The following TRDN variants were observed in gnomAD, a reference collection of about 807,000 sequenced individuals.
TRDN encodes triadin.
TRDN carries 161 observed loss-of-function variants against 149.7 expected under a neutral mutation model. The ratio of observed to expected loss-of-function variants is 1.08; its 90% CI spans 0.95 to 1.23. The LOEUF is 1.23. Among genes scored for constraint, TRDN ranks in the 50% most tolerant of loss-of-function variants. The pLI is 0.00. For missense variants in TRDN, 896 were observed against 823.5 expected, an observed-to-expected ratio of 1.09 and a Z score of -1.08; for synonymous variants, 294 against 250.5, an observed-to-expected ratio of 1.17 and a Z score of -1.64.
chr6:123,392,843 T>C (rs1204049048), intron 13 of TRDN, among the ~76,000 whole-genome samples: 1 of 152,108 alleles, frequency 6.6e-6, no homozygotes, highest in African/African-American at 2.4e-5. Flanking sequence ...CATCATGTGA[T>C]GTGCTAAGAA....
At chr6:123,335,192 C>G (rs1195666051) in intron 22 of TRDN, among the ~76,000 whole-genome samples, 1 of 151,622 alleles carries the variant, frequency 6.6e-6, no homozygotes, top group African/African-American at 2.4e-5. Context: ...TCTTCTAAAA[C>G]AGTATTCGAC....
At chr6:123,520,873 A>T (rs994504100) in intron 5 of TRDN, among the ~76,000 whole-genome samples, 2 of 152,138 alleles carry the variant, frequency 1.3e-5, no homozygotes, top group African/African-American at 2.4e-5. Context: ...CAGAGAGGGA[A>T]AGAAAATATA....
intron 29 of TRDN, among the ~76,000 whole-genome samples, chr6:123,272,228 TTTTTCAC>T (rs1777228170): frequency 6.6e-6 from 1 of 151,952 alleles, no homozygotes. Context: ...AGCAAGTATG[TTTTTCAC>T]TTTTCAAAGA....
intron 7 of TRDN, among the ~76,000 whole-genome samples, chr6:123,511,830 C>A (rs1005450334): frequency 2.0e-5 from 3 of 152,138 alleles, no homozygotes; most frequent in East Asian, 3.9e-4. Flanking sequence ...ATTCTTCTCA[C>A]GTTTTCAAGA....
chr6:123,297,786 T>C (rs1302984082), intron 24 of TRDN, among the ~76,000 whole-genome samples: 2 of 152,034 alleles, frequency 1.3e-5, no homozygotes, highest in Non-Finnish European at 2.9e-5. Flanking sequence ...TATCAAGGGA[T>C]AAATGGACCT....
chr6:123,311,182 G>A (rs2114689051), intron 24 of TRDN, among the ~76,000 whole-genome samples: 1 of 152,042 alleles, frequency 6.6e-6, no homozygotes, highest in South Asian at 2.1e-4. Context: ...AGAAAGGGAA[G>A]CAGGAACATT....
chr6:123,577,324 GT>G (rs1204728702), intron 1 of TRDN, among the ~76,000 whole-genome samples: 2 of 151,978 alleles, frequency 1.3e-5, no homozygotes, highest in African/African-American at 4.8e-5. Context: ...GTAGGCCCCA[GT>G]GTCTGTTGTT....
intron 1 of TRDN, among the ~76,000 whole-genome samples, chr6:123,595,883 C>T (rs1014749926): frequency 8.5e-5 from 13 of 152,070 alleles, no homozygotes; most frequent in South Asian, 4.1e-4. Context: ...TCTCCTCAGA[C>T]GTCCCTATTC....
chr6:123,377,666 T>A, intron 18 of TRDN, 50 bp downstream of exon 18: 1 of 1,609,076 alleles, frequency 6.2e-7, no homozygotes, highest in Admixed American at 1.7e-5. Context: ...ACAGCATTAA[T>A]AAACACTGGA....
chr6:123,283,626 T>C (rs1010989628), intron 24 of TRDN, among the ~76,000 whole-genome samples: 1 of 151,416 alleles, frequency 6.6e-6, no homozygotes, highest in Non-Finnish European at 1.5e-5. Context: ...ATATTACAAC[T>C]GACACCACAA....
intron 31 of TRDN, among the ~76,000 whole-genome samples, chr6:123,268,621 T>C (rs1374088584): frequency 6.6e-6 from 1 of 151,894 alleles, no homozygotes; most frequent in Non-Finnish European, 1.5e-5. Context: ...GAATTTGGAG[T>C]TTCTCTAAAC....
intron 24 of TRDN, among the ~76,000 whole-genome samples, chr6:123,311,359 A>T (rs1394915391): frequency 1.3e-5 from 2 of 152,000 alleles, no homozygotes; most frequent in Admixed American, 1.3e-4. Flanking sequence ...CATGAGGATT[A>T]TGGGGATTAC....
intron 10 of TRDN, among the ~76,000 whole-genome samples, chr6:123,460,620 G>A (rs1017979616): frequency 7.2e-5 from 11 of 151,794 alleles, no homozygotes; most frequent in African/African-American, 2.4e-4. Flanking sequence ...AAAAATTGAG[G>A]CCAAATTTCT....
chr6:123,244,652 C>A (rs1024403205), intron 38 of TRDN, among the ~76,000 whole-genome samples: 2 of 152,062 alleles, frequency 1.3e-5, no homozygotes, highest in African/African-American at 4.8e-5. Context: ...GAGAATGGAA[C>A]CAAGTTGGAA....
chr6:123,514,363 AAAAC>A (rs1212221010), intron 6 of TRDN, among the ~76,000 whole-genome samples: 29 of 152,126 alleles, frequency 1.9e-4, no homozygotes, highest in Admixed American at 1.9e-3. Context: ...TCAAAACAAA[AAAAC>A]AATCTTTTTT....
At chr6:123,268,851 A>G (rs1777108239) in intron 31 of TRDN, among the ~76,000 whole-genome samples, 1 of 152,042 alleles carries the variant, frequency 6.6e-6, no homozygotes, top group South Asian at 2.1e-4. Flanking sequence ...TTATAACAGC[A>G]TTAATAATAA....
At chr6:123,307,878 AT>A (rs2114682837) in intron 24 of TRDN, among the ~76,000 whole-genome samples, 1 of 151,840 alleles carries the variant, frequency 6.6e-6, no homozygotes, top group East Asian at 1.9e-4. Flanking sequence ...TTTATTTTAG[AT>A]TTAAAAGGTA....
At chr6:123,419,146 C>T (rs1422972176) in intron 12 of TRDN, among the ~76,000 whole-genome samples, 2 of 151,838 alleles carry the variant, frequency 1.3e-5, no homozygotes, top group Admixed American at 6.6e-5. Context: ...AGCCATGTCT[C>T]GGGTAGCTGA....
At chr6:123,291,650 A>T (rs1778016986) in intron 24 of TRDN, among the ~76,000 whole-genome samples, 1 of 152,190 alleles carries the variant, frequency 6.6e-6, no homozygotes, top group Non-Finnish European at 1.5e-5. Context: ...AAGATTCATA[A>T]ATGGGGAATT....
Sources: allele counts gnomAD v4.1 joint callset (sites outside exome capture counted in the v4.1 genomes callset), GRCh38; gene constraint gnomAD v4.1.1; transcripts MANE v1.5; gene names NCBI Gene and HGNC (gene_info 2026-07-23, HGNC 2026-07-21).